Variants in CCT2 observed in about 807,000 individuals in gnomAD.
CCT2 encodes the protein T-complex protein 1 subunit beta.
Under a neutral mutation model 61.8 loss-of-function variants are expected in CCT2, and 18 were observed. The observed-to-expected ratio is 0.29, with a 90% confidence interval of 0.20 to 0.43. CCT2 has a LOEUF of 0.43. Ranked by LOEUF, CCT2 falls within the 20% of genes least tolerant of loss-of-function variation. The pLI, the probability that CCT2 is intolerant of heterozygous loss-of-function variation, is 1.00. For missense variants in CCT2, 556 were observed against 656.9 expected (o/e 0.85, Z 1.68); for synonymous variants, 248 against 215.9 (o/e 1.15, Z -1.30).
At chr12:69,586,209 C>G in intron 1 of CCT2, 61 bp from the exon 2 acceptor site, 1 of 1,288,022 alleles carries the variant, frequency 7.8e-7, no homozygotes, top group Non-Finnish European at 1.1e-6. Context: ...TGGAAGGCAC[C>G]TCAGTGTATG....
chr12:69,593,493 A>T lies in CCT2; in HGVS notation c.879-17A>T. The T allele has an allele frequency of 6.7e-7, 1 of 1,490,684 alleles. No homozygotes were observed. The highest frequency in any genetic ancestry group is 9.3e-7 in the Non-Finnish European group (1 of 1,071,894). 92.3% of individuals were successfully genotyped at this position (1,490,684 alleles called of 1,614,324 possible). On this transcript the variant is annotated splice_polypyrimidine_tract_variant and intron_variant, in intron 9 of 15. Coordinates refer to ENST00000299300, the MANE Select transcript of CCT2 (RefSeq NM_006431.3). ...TAACAGTTGTGAGCATAATGTTTTC[A>T]TGTATTTTATTTACAGGCAATTAAT...
At chr12:69,592,734 C>A in intron 8 of CCT2, 1 of 335,662 alleles carries the variant, frequency 3.0e-6, no homozygotes, top group South Asian at 3.6e-5. Context: ...GCCAGACTGA[C>A]CAATGTGAGA....
chr12:69,586,288 C>T lies in CCT2; in HGVS notation c.22C>T (p.Pro8Ser), dbSNP rs367696863. 1 of 1,613,526 alleles carries T rather than the reference C, an allele frequency of 6.2e-7. No homozygotes were observed. Among genetic ancestry groups the T allele is most frequent in the Non-Finnish European group, 8.5e-7 (1 of 1,179,450 alleles). The part of the protein sequence containing the change: MASLSLA[P>S]VNIFKAGADE... ...TTTTCAGGCGTCCCTTTCCCTTGCA[C>T]CTGTTAACATCTTTAAGGCAGGAGC... is the stretch of plus-strand genomic sequence containing the variant. Residue 8 changes from proline (P) to serine (S), a missense_variant, in exon 2 of 16, where the codon CCT becomes TCT. By Grantham distance (74) the Pro-to-Ser change is moderately conservative. Around this residue, in one of 3 missense-constraint regions of CCT2, gnomAD observed 308 missense variants for 350.6 expected, o/e 0.88. Coordinates refer to ENST00000299300, the MANE Select transcript of CCT2 (RefSeq NM_006431.3).
chr12:69,600,438 A>G (rs1882116342), intron 15 of CCT2, among the ~76,000 whole-genome samples: 1 of 152,120 alleles, frequency 6.6e-6, no homozygotes, highest in Non-Finnish European at 1.5e-5. Context: ...AATGTATAAT[A>G]CCTTGTTTGG....
At chr12:69,589,084 A>G in intron 6 of CCT2, 1 of 211,202 alleles carries the variant, frequency 4.7e-6, no homozygotes, top group Non-Finnish European at 9.5e-6. Flanking sequence ...ATGTGCCATC[A>G]TAGCCAGCTA....
Position 69,598,031 on chromosome 12 carries a change from A to C in CCT2, c.1295A>C (p.Glu432Ala). 6.2e-7 allele frequency: 1 copy of C among 1,613,964 alleles called. No homozygotes were observed. Among genetic ancestry groups the C allele is most frequent in the South Asian group, 1.1e-5 (1 of 91,066 alleles). The change falls in exon 13 of 16, where the codon GAA becomes GCA. Residue 432 changes from glutamate (E) to alanine (A), a missense_variant. By Grantham distance (107) the Glu-to-Ala change is moderately radical. Transcript: ENST00000299300. Reference sequence around the variant, plus strand: ...CTTGCCAATAGAACACCAGGCAAAGAAGCTGTTGCAATGGAGTCTTATGCT... The same window carrying C: ...CTTGCCAATAGAACACCAGGCAAAGCAGCTGTTGCAATGGAGTCTTATGCT... Reference protein sequence around the residue: ...TQLANRTPGKEAVAMESYAKA... With the variant: ...TQLANRTPGKAAVAMESYAKA...
At chr12:69,597,611 A>G (rs371196775) in intron 11 of CCT2, 27 bp from the exon 12 acceptor site, 2 of 1,607,364 alleles carry the variant, frequency 1.2e-6, no homozygotes, top group Non-Finnish European at 1.7e-6. Flanking sequence ...TTTATCCCTA[A>G]GTGGTCACTG....
rs954093376 is a variant in CCT2 at position 69,600,133 on chromosome 12, A to G, written c.1577+129A>G. The G allele has an allele frequency of 1.5e-5, 13 of 862,956 alleles. No homozygotes were observed. In the African/African-American group the frequency reaches 2.2e-4, roughly 15 times the overall value. The allele number at this position is 862,956 out of a possible 1,614,324, so 53.5% of individuals were successfully genotyped here. A position where few individuals can be genotyped will look rare whatever the true frequency, so the allele number is the denominator to read the frequency against. ...CTGGATAAAAGTATGTAAGTTATTT[A>G]AAATATCACAACTCTTAACACTTAA... On this transcript the variant is annotated intron_variant, in intron 15 of 15. Transcript: ENST00000299300.
chr12:69,593,903 C>T (rs528459994), intron 10 of CCT2, among the ~76,000 whole-genome samples: 4 of 151,756 alleles, frequency 2.6e-5, no homozygotes, highest in Non-Finnish European at 2.9e-5. Flanking sequence ...TTTGGGAGGC[C>T]GAGGCAGCCA....
At chr12:69,594,829 G>C (rs1881940035) in intron 10 of CCT2, among the ~76,000 whole-genome samples, 1 of 147,110 alleles carries the variant, frequency 6.8e-6, no homozygotes, top group South Asian at 2.2e-4. Context: ...CTAAGTGACA[G>C]AGCAAGACCC....
At chr12:69,585,804 T>C in intron 1 of CCT2, 1 of 1,360,450 alleles carries the variant, frequency 7.4e-7, no homozygotes, top group Non-Finnish European at 9.5e-7. Flanking sequence ...AGCGAAGAAA[T>C]TTCTAGTGTG....
intron 11 of CCT2, 113 bp from the exon 12 acceptor site, chr12:69,597,525 T>G: frequency 2.5e-6 from 3 of 1,181,910 alleles, no homozygotes; most frequent in Non-Finnish European, 3.6e-6. Context: ...GGAGAATGTA[T>G]AATACAGGAA....
At chr12:69,585,562 T>G in intron 1 of CCT2, 38 bp downstream of exon 1, 1 of 1,564,504 alleles carries the variant, frequency 6.4e-7, no homozygotes, top group East Asian at 2.4e-5. Flanking sequence ...CTACCCCTGC[T>G]CCGCCGTGCT....
At chr12:69,592,351 C>T (rs978583700) in intron 8 of CCT2, 192 bp downstream of exon 8, 22 of 334,510 alleles carry the variant, frequency 6.6e-5, no homozygotes, top group East Asian at 5.4e-4. Flanking sequence ...GGCATGGTGG[C>T]GCATGCCTGT....
rs376743936 is a variant in CCT2, at chr12:69,589,694, A to G, written c.649+7A>G. The G allele has an allele frequency of 3.7e-6, 6 of 1,604,194 alleles. No individual in the cohort carries two copies. The highest frequency in any genetic ancestry group is 5.1e-6 in the Non-Finnish European group (6 of 1,174,596). ...GATTCCTATTTAGATGAAGGTATGTATGAATGTCAGATACAAGAAGCTTTG... is the reference window on the plus strand; with the variant it reads ...GATTCCTATTTAGATGAAGGTATGTGTGAATGTCAGATACAAGAAGCTTTG... On this transcript the variant is annotated splice_region_variant and intron_variant, in intron 7 of 15. Transcript: ENST00000299300.
chr12:69,595,132 A>C (rs957919110), intron 10 of CCT2, among the ~76,000 whole-genome samples: 1 of 152,174 alleles, frequency 6.6e-6, no homozygotes, highest in Admixed American at 6.5e-5. Context: ...ACTGCCATGA[A>C]TATTAGAAGA....
At chr12:69,589,888 T>C (rs1565798983) in intron 7 of CCT2, 6 of 575,914 alleles carry the variant, frequency 1.0e-5, no homozygotes, top group Non-Finnish European at 1.8e-5. Flanking sequence ...TGATGATCTC[T>C]AGAGTTTACT....
At chr12:69,591,627 T>G (rs1267641179) in intron 7 of CCT2, among the ~76,000 whole-genome samples, 1 of 152,250 alleles carries the variant, frequency 6.6e-6, no homozygotes, top group African/African-American at 2.4e-5. Context: ...ACTGTTTAAT[T>G]TTATTGTCTG....
At position 69,598,089 on chromosome 12, in the gene CCT2, A is replaced by G. The variant is rs1296768036; in HGVS notation, c.1335+18A>G. ...TGAGAATGGTAAGTTAATCAAAATG[A>G]GAGATCCGAACTTAAGTTTTGTGGT... On this transcript the variant is annotated intron_variant, in intron 13 of 15. Transcript: ENST00000299300. 1 of 1,549,288 alleles carries G rather than the reference A, an allele frequency of 6.5e-7. No individual in the cohort carries two copies. Among genetic ancestry groups the G allele is most frequent in the East Asian group, 2.2e-5 (1 of 44,480 alleles).
Sources: allele counts gnomAD v4.1 joint callset (sites outside exome capture counted in the v4.1 genomes callset), GRCh38; gene constraint gnomAD v4.1.1; regional missense constraint gnomAD v4.1.1; transcripts MANE v1.5; gene names NCBI Gene and HGNC (gene_info 2026-07-23, HGNC 2026-07-21).